Variants in TMX3 observed in about 807,000 individuals in gnomAD.
TMX3 encodes protein disulfide-isomerase TMX3.
A neutral mutation model predicts 64.4 loss-of-function variants in TMX3; 40 were observed. That is an observed-to-expected ratio of 0.62 (90% CI 0.48 to 0.81). The LOEUF (loss-of-function observed/expected upper bound fraction) is 0.81. Among genes scored for constraint, TMX3 ranks in the 30% least tolerant of loss-of-function variants. The probability of loss-of-function intolerance (pLI) is 0.00; values close to 1 mark genes in which losing one functional copy is unlikely to be tolerated. For synonymous variants in TMX3, 189 were observed against 175.7 expected, an observed-to-expected ratio of 1.08 and a Z score of -0.60; for missense variants, 497 against 534.5, an observed-to-expected ratio of 0.93 and a Z score of 0.69.
At position 68,681,032 on chromosome 18, in the gene TMX3, A is replaced by G; in HGVS notation, c.984T>C (p.Asn328=). 1 of 1,601,638 alleles carries G rather than the reference A, an allele frequency of 6.2e-7. No individual in the cohort carries two copies. Among genetic ancestry groups the G allele is most frequent in the Non-Finnish European group, 8.5e-7 (1 of 1,174,626 alleles). ...QYFLLDRQIK[N]VEDMVQFINN... ...TAATAAACTGGACCATGTCTTCAAC[A>G]TTCTTAATCTGTCTATCTAGCAAGA... Residue 328 remains asparagine, a synonymous_variant, in exon 14 of 16, where the codon AAT becomes AAC. Transcript: ENST00000299608.
At chr18:68,679,364 AT>A (rs1913207583) in intron 15 of TMX3, 98 bp downstream of exon 15, 1 of 898,048 alleles carries the variant, frequency 1.1e-6, no homozygotes. Flanking sequence ...AAAAAGACAT[AT>A]TTTGACCTAA....
intron 9 of TMX3, chr18:68,689,801 C>G (rs911616036): frequency 6.6e-6 from 1 of 152,114 alleles, no homozygotes; most frequent in East Asian, 1.9e-4. Flanking sequence ...ATATGATAAA[C>G]CTGCTATTTA....
At chr18:68,698,054 A>G in intron 6 of TMX3, 23 bp from the exon 7 acceptor site, 1 of 1,520,562 alleles carries the variant, frequency 6.6e-7, no homozygotes, top group Admixed American at 1.7e-5. Context: ...AAAACAAAAA[A>G]CAAACTTGAA....
chr18:68,700,648 C>T (rs2145096635), intron 5 of TMX3, 163 bp from the exon 6 acceptor site: 2 of 822,842 alleles, frequency 2.4e-6, no homozygotes, highest in Non-Finnish European at 2.9e-6. Flanking sequence ...ATTAGGCTTG[C>T]CAGAGGACCA....
rs556636276 is a variant in TMX3, at chr18:68,686,486, G to A, written c.736+1181C>T. 3.7e-4 allele frequency among the ~76,000 whole-genome samples: 56 copies of A among 152,214 alleles called. No homozygotes were observed. In the South Asian group the frequency reaches 3.7e-3, roughly 10 times the overall value. On this transcript the variant is annotated intron_variant, in intron 10 of 15. Transcript: ENST00000299608. ...AGCACTTTAGGAGGCCAAGGCGTGC[G>A]GATCACGAGGTCAGGAGATCGAGCC...
rs754703577 is a variant in TMX3, at chr18:68,677,018, T to C, written c.1280A>G (p.Lys427Arg). 44 of 1,613,744 alleles carry C rather than the reference T, an allele frequency of 2.7e-5. No individual in the cohort carries two copies. Among genetic ancestry groups the C allele is most frequent in the Non-Finnish European group, 3.6e-5 (42 of 1,179,834 alleles). ...NENQEQIEES[K>R]EQQEPSSGGS... is the part of the protein sequence containing the mutation. ...TCCACTGCTGGGCTCCTGCTGTTCT[T>C]TGCTCTCTTCTATCTGTTCTTGGTT... Residue 427 changes from lysine (K) to arginine (R), a missense_variant, in exon 16 of 16, where the codon AAA becomes AGA. By Grantham distance (26) the Lys-to-Arg change is conservative. This residue lies in a region of TMX3 where 94 missense variants were observed against 75.8 expected (regional missense o/e 1.24). Transcript: ENST00000299608.
chr18:68,682,886 A>C, intron 13 of TMX3, 39 bp downstream of exon 13: 1 of 1,560,048 alleles, frequency 6.4e-7, no homozygotes, highest in Non-Finnish European at 8.7e-7. Context: ...TTTAAAAATT[A>C]ATAGATTTGA....
chr18:68,692,402 C>G (rs1914614593), intron 8 of TMX3, among the ~76,000 whole-genome samples: 1 of 152,164 alleles, frequency 6.6e-6, no homozygotes, highest in Non-Finnish European at 1.5e-5. Flanking sequence ...TTTCAACCAT[C>G]TTCTATTACT....
At chr18:68,713,998 C>T in intron 1 of TMX3, 98 bp from the exon 2 acceptor site, 4 of 730,904 alleles carry the variant, frequency 5.5e-6, no homozygotes, top group Non-Finnish European at 6.3e-6. Context: ...CCTTTCACAA[C>T]CTACCAAAAA....
intron 6 of TMX3, 110 bp from the exon 7 acceptor site, chr18:68,698,141 T>A: frequency 1.4e-6 from 1 of 693,332 alleles, no homozygotes; most frequent in East Asian, 2.7e-5. Flanking sequence ...CAATAATATA[T>A]CAACTGCATT....
intron 7 of TMX3, chr18:68,697,629 G>C (rs1236991076): frequency 2.7e-6 from 1 of 376,076 alleles, no homozygotes; most frequent in Non-Finnish European, 4.7e-6. Flanking sequence ...CACATACAAA[G>C]TCTGCAGTCT....
Position 68,675,350 on chromosome 18 carries a change from G to T in TMX3, c.*1583C>A, listed in dbSNP as rs936996093. 2 of 151,996 alleles carry T rather than the reference G, an allele frequency of 1.3e-5. No homozygotes were observed. The highest frequency in any genetic ancestry group is 4.2e-4 in the South Asian group (2 of 4,814). The allele number at this position is 151,996 out of a possible 1,614,324, so 9.4% of individuals were successfully genotyped here. A position where few individuals can be genotyped will look rare whatever the true frequency, so the allele number is the denominator to read the frequency against. On this transcript the variant is annotated 3_prime_UTR_variant, in exon 16 of 16. Transcript: ENST00000299608. ...ATATTTGTTTCATTTCCAAAAAAAA[G>T]AAATATGGAGTGTCAAACACTAAGA...
chr18:68,690,308 C>T (rs896444982), intron 9 of TMX3, among the ~76,000 whole-genome samples: 15 of 152,046 alleles, frequency 9.9e-5, no homozygotes, highest in African/African-American at 2.9e-4. Context: ...AAACACAGTT[C>T]GTGAGAACAA....
intron 15 of TMX3, 50 bp from the exon 16 acceptor site, chr18:68,677,243 T>C (rs1443797542): frequency 6.5e-7 from 1 of 1,547,674 alleles, no homozygotes; most frequent in Non-Finnish European, 8.7e-7. Context: ...AATTCTGATA[T>C]ATATAGCATG....
Position 68,687,654 on chromosome 18 carries a change from A to G in TMX3, c.736+13T>C, listed in dbSNP as rs374272561. On this transcript the variant is annotated intron_variant, in intron 10 of 15. Coordinates refer to ENST00000299608, the MANE Select transcript of TMX3 (RefSeq NM_019022.5). Reference sequence around the variant, plus strand: ...CATGTAACATAATGGAGACTTGTACATATGCTTGTTACCTGTGTCTCCAAG... The same window carrying G: ...CATGTAACATAATGGAGACTTGTACGTATGCTTGTTACCTGTGTCTCCAAG... 1.1e-5 allele frequency: 18 copies of G among 1,599,566 alleles called. No individual in the cohort carries two copies. The African/African-American group carries it at 2.2e-4, about 19-fold the overall frequency.
chr18:68,681,323 C>T (rs1001590523), intron 13 of TMX3: 13 of 564,496 alleles, frequency 2.3e-5, no homozygotes, highest in South Asian at 1.5e-4. Context: ...TTCTAGGATA[C>T]GCAATTCATC....
At chr18:68,693,903 T>C (rs1014769643) in intron 8 of TMX3, among the ~76,000 whole-genome samples, 2 of 152,078 alleles carry the variant, frequency 1.3e-5, no homozygotes, top group Admixed American at 6.5e-5. Flanking sequence ...TGGCCACCCA[T>C]GGACCATTCA....
chr18:68,684,588 A>C (rs1055490965), intron 10 of TMX3, 103 bp from the exon 11 acceptor site: 4 of 932,456 alleles, frequency 4.3e-6, no homozygotes, highest in Non-Finnish European at 6.7e-6. Flanking sequence ...TATTTCTAGA[A>C]TTTAATTCCA....
intron 4 of TMX3, 150 bp from the exon 5 acceptor site, chr18:68,701,940 A>T (rs1396034491): frequency 1.7e-6 from 1 of 585,964 alleles, no homozygotes; most frequent in African/African-American, 1.9e-5. Flanking sequence ...AATCACACAA[A>T]AGAAAAAAAC....
Sources: allele counts gnomAD v4.1 joint callset (sites outside exome capture counted in the v4.1 genomes callset), GRCh38; gene constraint gnomAD v4.1.1; regional missense constraint gnomAD v4.1.1; transcripts MANE v1.5; gene names NCBI Gene and HGNC (gene_info 2026-07-23, HGNC 2026-07-21).